The following SUPT20H variants were observed in gnomAD, a reference collection of about 807,000 sequenced individuals.
SUPT20H encodes the protein SPT20 homolog, SAGA complex component, also known as transcription factor SPT20 homolog.
SUPT20H carries 82 observed loss-of-function variants against 122.8 expected under a neutral mutation model. That is an observed-to-expected ratio of 0.67 (90% CI 0.56 to 0.80). SUPT20H has a LOEUF of 0.80. Among genes scored for constraint, SUPT20H ranks in the 30% least tolerant of loss-of-function variants. SUPT20H has a pLI of 0.00. For synonymous variants in SUPT20H, 291 were observed against 313.0 expected, an observed-to-expected ratio of 0.93 and a Z score of 0.74; for missense variants, 831 against 921.6, an observed-to-expected ratio of 0.90 and a Z score of 1.27.
At position 37,025,423 on chromosome 13, in the gene SUPT20H, T is replaced by C; in HGVS notation, c.1226A>G (p.Tyr409Cys). ...GGCTTCATTCTGGACTAATTCTTGG[T>C]ACTGATTGACTACCCTAAAATATCA... Reference protein sequence around the residue: ...KTDAERVVNQYQELVQNEAKC... With the variant: ...KTDAERVVNQCQELVQNEAKC... Residue 409 changes from tyrosine (Y) to cysteine (C), a missense_variant, in exon 17 of 26, where the codon TAC becomes TGC. Coordinates refer to ENST00000350612, the MANE Select transcript of SUPT20H (RefSeq NM_001014286.3). 6.2e-7 allele frequency: 1 copy of C among 1,613,226 alleles called. No homozygotes were observed. Among genetic ancestry groups the C allele is most frequent in the Non-Finnish European group, 8.5e-7 (1 of 1,179,304 alleles).
chr13:37,056,654 T>C (rs1230004341), intron 1 of SUPT20H, among the ~76,000 whole-genome samples: 2 of 151,576 alleles, frequency 1.3e-5, no homozygotes, highest in African/African-American at 4.9e-5. Context: ...TGAGGAGATA[T>C]ACCTAATGTT....
chr13:37,043,796 G>C (rs1337748843), intron 7 of SUPT20H, among the ~76,000 whole-genome samples: 7 of 149,996 alleles, frequency 4.7e-5, no homozygotes, highest in Admixed American at 4.6e-4. Context: ...CTTGAGCCCA[G>C]GGGTTTGAGA....
rs576897632 is a variant in SUPT20H, at chr13:37,052,651, G to A, written c.-93-1068C>T. 2.4e-3 allele frequency among the ~76,000 whole-genome samples: 368 copies of A among 152,250 alleles called. 2 individuals are homozygous for A. The highest frequency in any genetic ancestry group is 8.4e-3 in the African/African-American group (348 of 41,546). ...AGACTTCATGACTAAAGCACCAAAA[G>A]CAATTGCAACAAAAGCCAAAATTGA... On this transcript the variant is annotated intron_variant, in intron 1 of 25. Coordinates refer to ENST00000350612, the MANE Select transcript of SUPT20H (RefSeq NM_001014286.3).
intron 1 of SUPT20H, among the ~76,000 whole-genome samples, chr13:37,056,692 C>G (rs559258824): frequency 6.6e-6 from 1 of 151,850 alleles, no homozygotes; most frequent in South Asian, 2.1e-4. Context: ...GTGCAGCACA[C>G]CAACATGGCA....
At chr13:37,015,015 G>T (rs1055978647) in intron 23 of SUPT20H, among the ~76,000 whole-genome samples, 2 of 152,082 alleles carry the variant, frequency 1.3e-5, no homozygotes, top group East Asian at 1.9e-4. Flanking sequence ...ACAGTAGGAA[G>T]AGTTCTTAAT....
chr13:37,047,701 T>C, intron 4 of SUPT20H, 100 bp from the exon 5 acceptor site: 2 of 1,244,206 alleles, frequency 1.6e-6, no homozygotes, highest in Non-Finnish European at 2.1e-6. Flanking sequence ...CATTTTTGCC[T>C]CAATTTCCCA....
intron 1 of SUPT20H, among the ~76,000 whole-genome samples, chr13:37,056,094 T>A (rs2068940805): frequency 1.3e-5 from 2 of 152,120 alleles, no homozygotes; most frequent in South Asian, 4.1e-4. Context: ...AGAATAGCGA[T>A]CATTAAAAAG....
chr13:37,042,951 C>T (rs996361155), intron 7 of SUPT20H, among the ~76,000 whole-genome samples: 2 of 152,052 alleles, frequency 1.3e-5, no homozygotes, highest in South Asian at 4.1e-4. Context: ...GGTTAAGCAG[C>T]CCTAATCAAA....
intron 7 of SUPT20H, among the ~76,000 whole-genome samples, chr13:37,042,708 T>G (rs1215048243): frequency 1.3e-5 from 2 of 152,282 alleles, no homozygotes; most frequent in East Asian, 3.9e-4. Flanking sequence ...CAGAACGATG[T>G]CATGATGCCA....
At chr13:37,045,135 C>T (rs1371429471) in intron 6 of SUPT20H, 112 bp downstream of exon 6, 1 of 1,387,492 alleles carries the variant, frequency 7.2e-7, no homozygotes, top group Non-Finnish European at 9.8e-7. Context: ...ATCACTAGGT[C>T]ATCACTATCT....
Position 37,047,917 on chromosome 13 carries a change from C to G in SUPT20H, c.59G>C (p.Arg20Pro). The change falls in exon 4 of 26, where the codon CGA becomes CCA. Residue 20 changes from arginine (R) to proline (P), a missense_variant. Arg to Pro is a moderately radical substitution (Grantham distance 103). Transcript: ENST00000350612. ...GTATTTCCTTTTAGGAGGTCTCTGT[C>G]GGGCACTTTCAATGACATACTAAAA... is the stretch of plus-strand genomic sequence containing the variant. ...DRAEYVIESA[R>P]QRPPKRKYLS... 6.2e-7 allele frequency: 1 copy of G among 1,604,458 alleles called. No homozygotes were observed.
intron 14 of SUPT20H, 111 bp downstream of exon 14, chr13:37,028,036 GT>G (rs1566197333): frequency 2.0e-6 from 2 of 995,804 alleles, no homozygotes; most frequent in African/African-American, 3.4e-5. Flanking sequence ...TAACTAATAA[GT>G]GAGTTCCCAA....
intron 12 of SUPT20H, among the ~76,000 whole-genome samples, chr13:37,030,886 G>GT (rs1380740692): frequency 6.6e-6 from 1 of 152,112 alleles, no homozygotes; most frequent in Non-Finnish European, 1.5e-5. Context: ...TGTGCTTTGC[G>GT]TAATTTCTTT....
rs766700210 is a variant in SUPT20H, at chr13:37,040,675, G to A, written c.414C>T (p.Cys138=). 2.6e-5 allele frequency: 42 copies of A among 1,612,704 alleles called. No individual in the cohort carries two copies. The highest frequency in any genetic ancestry group is 3.3e-5 in the Admixed American group (2 of 59,736). ...LEKSQVNIFH[C]GCVIAEIRDY... ...CACGTATTTCTGCTATGACACATCC[G>A]CAATGAAAAATATTAACCTGTTTGG... The change falls in exon 8 of 26, where the codon TGC becomes TGT. Residue 138 remains cysteine, a synonymous_variant. Transcript: ENST00000350612.
chr13:37,022,912 GA>G lies in SUPT20H; in HGVS notation c.1592-833del. ...AACTGTGTACTTCTGTTTAAATGTA[GA>G]ATGTATAGAAAATCTGTTGTGAATG... On this transcript the variant is annotated intron_variant, in intron 19 of 25. Coordinates refer to ENST00000350612, the MANE Select transcript of SUPT20H (RefSeq NM_001014286.3). The surrounding 1 kb of genome is among the most constrained non-coding windows in gnomAD (Gnocchi z 4.5). The G allele has an allele frequency of 8.8e-7, 1 of 1,142,760 alleles. No individual in the cohort carries two copies. Among genetic ancestry groups the G allele is most frequent in the South Asian group, 1.8e-5 (1 of 54,354 alleles). The allele number at this position is 1,142,760 out of a possible 1,614,324, so 70.8% of individuals were successfully genotyped here.
chr13:37,009,862 A>G, intron 25 of SUPT20H, 53 bp from the exon 26 acceptor site: 1 of 1,568,466 alleles, frequency 6.4e-7, no homozygotes, highest in Non-Finnish European at 8.6e-7. Context: ...GCAGGTGTAG[A>G]AAGGTGCTTT....
At chr13:37,024,976 C>G (rs1027020058) in intron 17 of SUPT20H, 4 of 228,536 alleles carry the variant, frequency 1.8e-5, no homozygotes, top group African/African-American at 7.1e-5. Context: ...GAGTCTTGCT[C>G]TGTTGCCCAG....
In SUPT20H at chr13:37,028,152, A is replaced by G. The variant is rs773367334; in HGVS notation, c.1147T>C (p.Ser383Pro). 6.9e-6 allele frequency: 11 copies of G among 1,600,576 alleles called. No homozygotes were observed. Among genetic ancestry groups the G allele is most frequent in the Non-Finnish European group, 9.4e-6 (11 of 1,175,474 alleles). The change falls in exon 14 of 26, where the codon TCA becomes CCA. Residue 383 changes from serine (S) to proline (P), a missense_variant. Physicochemically the swap from Ser to Pro is moderately conservative, Grantham distance 74. Coordinates refer to ENST00000350612, the MANE Select transcript of SUPT20H (RefSeq NM_001014286.3). ...DEESDSQMSP[S>P]HSSTDDHSNW... ...CTTGTATTTAACAGAACTCACTGTG[A>G]TGGAGACATCTGGCTGTCACTTTCT...
chr13:37,010,728 T>C (rs572716399), intron 24 of SUPT20H, 73 bp from the exon 25 acceptor site: 60 of 1,041,218 alleles, frequency 5.8e-5, no homozygotes, highest in East Asian at 2.7e-4. Flanking sequence ...AAGGACAACA[T>C]AGAAAATGAA....
Sources: gnomAD v4.1 joint callset for allele counts (sites outside exome capture counted in the v4.1 genomes callset) on GRCh38, gnomAD v4.1.1 for gene constraint, Gnocchi (gnomAD v3.1) non-coding constraint, MANE v1.5 for transcripts, NCBI Gene and HGNC (gene_info 2026-07-23, HGNC 2026-07-21) for gene names.